The following NELL1 variants were observed in gnomAD, a reference collection of about 807,000 sequenced individuals.
NELL1 encodes protein kinase C-binding protein NELL1.
In NELL1, 76 loss-of-function variants were observed where a neutral mutation model predicts 107.4. The ratio of observed to expected loss-of-function variants is 0.71; its 90% CI spans 0.59 to 0.86. The LOEUF is 0.86. NELL1 is among the 40% of genes least tolerant of loss of function. The probability of loss-of-function intolerance (pLI) is 0.00; values close to 1 mark genes in which losing one functional copy is unlikely to be tolerated. For synonymous variants in NELL1, 353 were observed against 341.2 expected, an observed-to-expected ratio of 1.03 and a Z score of -0.38; for missense variants, 1,024 against 1,005.5, an observed-to-expected ratio of 1.02 and a Z score of -0.25.
chr11:20,704,936 C>G (rs986264482), intron 2 of NELL1, among the ~76,000 whole-genome samples: 3 of 152,018 alleles, frequency 2.0e-5, no homozygotes, highest in Non-Finnish European at 2.9e-5. Context: ...AATAAAATAC[C>G]TAGGAATCCA....
At chr11:20,788,585 G>GT (rs1331728761) in intron 3 of NELL1, among the ~76,000 whole-genome samples, 1 of 151,534 alleles carries the variant, frequency 6.6e-6, no homozygotes, top group Non-Finnish European at 1.5e-5. Flanking sequence ...AATCATGTAT[G>GT]TTTTAGAGGC....
chr11:20,719,947 G>A (rs1174632147), intron 2 of NELL1, among the ~76,000 whole-genome samples: 1 of 152,098 alleles, frequency 6.6e-6, no homozygotes, highest in African/African-American at 2.4e-5. Flanking sequence ...AGATTCACTG[G>A]TACTACCTTA....
intron 5 of NELL1, among the ~76,000 whole-genome samples, chr11:20,899,216 GA>G (rs1237737494): frequency 6.6e-6 from 1 of 151,766 alleles, no homozygotes; most frequent in Non-Finnish European, 1.5e-5. Flanking sequence ...GAATCTTTGT[GA>G]AAATTAACTA....
intron 13 of NELL1, among the ~76,000 whole-genome samples, chr11:21,188,496 C>A (rs930160627): frequency 2.0e-5 from 3 of 151,678 alleles, no homozygotes; most frequent in Non-Finnish European, 4.4e-5. Flanking sequence ...TTTTTTCTCT[C>A]ACTTTTCTTT....
chr11:20,998,487 G>A (rs958286424), intron 12 of NELL1, among the ~76,000 whole-genome samples: 4 of 152,022 alleles, frequency 2.6e-5, no homozygotes, highest in African/African-American at 9.7e-5. Flanking sequence ...CAGTGAGGAT[G>A]GTGACAATTT....
intron 14 of NELL1, among the ~76,000 whole-genome samples, chr11:21,320,600 G>T (rs929216714): frequency 5.3e-5 from 8 of 152,180 alleles, no homozygotes; most frequent in Non-Finnish European, 2.9e-5. Flanking sequence ...GTACTAAAGT[G>T]GTTGGCTGGA....
chr11:21,294,476 G>A (rs755753746), intron 14 of NELL1, among the ~76,000 whole-genome samples: 31 of 151,992 alleles, frequency 2.0e-4, no homozygotes, highest in Non-Finnish European at 2.6e-4. Context: ...CCTTACATAT[G>A]GTTGGTGCAA....
At chr11:21,193,722 A>G (rs1260745353) in intron 13 of NELL1, among the ~76,000 whole-genome samples, 1 of 151,890 alleles carries the variant, frequency 6.6e-6, no homozygotes, top group Non-Finnish European at 1.5e-5. Context: ...ATTTCATTTG[A>G]TGTTCTTGAT....
chr11:20,775,683 T>A (rs1393106112), intron 2 of NELL1, among the ~76,000 whole-genome samples: 2 of 152,182 alleles, frequency 1.3e-5, no homozygotes, highest in African/African-American at 4.8e-5. Context: ...ACATGTTTAA[T>A]TTCTTAGCAA....
At chr11:21,391,131 G>C (rs1033103879) in intron 15 of NELL1, among the ~76,000 whole-genome samples, 1 of 151,532 alleles carries the variant, frequency 6.6e-6, no homozygotes, top group African/African-American at 2.4e-5. Flanking sequence ...AGTTTGAACG[G>C]GTATAGAATT....
At chr11:21,332,856 G>C (rs1345597653) in intron 14 of NELL1, among the ~76,000 whole-genome samples, 3 of 151,704 alleles carry the variant, frequency 2.0e-5, no homozygotes, top group African/African-American at 7.3e-5. Flanking sequence ...TCTTTCATGG[G>C]TGTTTGAGGG....
chr11:20,779,946 C>A lies in NELL1; in HGVS notation c.185-3734C>A, dbSNP rs570163718. Among the ~76,000 whole-genome samples the A allele has an allele frequency of 2.0e-5, 3 of 152,348 alleles. No individual in the cohort carries two copies. The South Asian group carries it at 6.2e-4, about 32-fold the overall frequency. On this transcript the variant is annotated intron_variant, in intron 2 of 19. Transcript: ENST00000357134. ...CAAAGTGATCTCAGTCCTTTGAAAC[C>A]TGTCCAGTGTTTCTGCCTGCATATT...
At position 20,760,940 on chromosome 11, in the gene NELL1, C is replaced by T. The variant is rs528814636; in HGVS notation, c.185-22740C>T. Among the ~76,000 whole-genome samples, 65 of 152,244 alleles carry T rather than the reference C, an allele frequency of 4.3e-4. 1 individual carries two copies. The South Asian group carries it at 5.8e-3, about 14-fold the overall frequency. ...AAACTCGGCCCAACATCTCTAAATGCGCAGCTTCTCAGAGTGCCAAAAGCC... is the reference window on the plus strand; with the variant it reads ...AAACTCGGCCCAACATCTCTAAATGTGCAGCTTCTCAGAGTGCCAAAAGCC... On this transcript the variant is annotated intron_variant, in intron 2 of 19. Transcript: ENST00000357134.
intron 12 of NELL1, among the ~76,000 whole-genome samples, chr11:21,024,321 A>G (rs899567682): frequency 6.6e-6 from 1 of 152,116 alleles, no homozygotes; most frequent in African/African-American, 2.4e-5. Context: ...TTTATCATTA[A>G]TTTGACTACA....
intron 12 of NELL1, among the ~76,000 whole-genome samples, chr11:20,999,983 G>A (rs977603248): frequency 3.3e-4 from 51 of 152,276 alleles, no homozygotes; most frequent in African/African-American, 1.2e-3. Context: ...GGTTGTGTGT[G>A]TGTGTGTGTC....
intron 13 of NELL1, among the ~76,000 whole-genome samples, chr11:21,228,413 A>G (rs1857949072): frequency 6.6e-6 from 1 of 152,138 alleles, no homozygotes; most frequent in African/African-American, 2.4e-5. Flanking sequence ...CGCAGAGGTT[A>G]GATTCTGAAC....
At chr11:21,498,694 A>C (rs1855053202) in intron 15 of NELL1, among the ~76,000 whole-genome samples, 1 of 152,182 alleles carries the variant, frequency 6.6e-6, no homozygotes, top group Admixed American at 6.6e-5. Context: ...ATTTCATCAC[A>C]GGATAGGACT....
rs1405299278 is a variant in NELL1 at position 20,996,287 on chromosome 11, G to A, written c.1300+35727G>A. On this transcript the variant is annotated intron_variant, in intron 12 of 19. Coordinates refer to ENST00000357134, the MANE Select transcript of NELL1 (RefSeq NM_006157.5). Reference sequence around the variant, plus strand: ...TCCTCTTTCCCTTATGCTCAAGATAGTACTTGCATGTTCTGTCAGAGGACT... The same window carrying A: ...TCCTCTTTCCCTTATGCTCAAGATAATACTTGCATGTTCTGTCAGAGGACT... 2.0e-5 allele frequency among the ~76,000 whole-genome samples: 3 copies of A among 152,168 alleles called. No individual in the cohort carries two copies. The East Asian group carries it at 5.8e-4, about 29-fold the overall frequency.
intron 13 of NELL1, among the ~76,000 whole-genome samples, chr11:21,153,043 C>G (rs1288293874): frequency 2.0e-5 from 3 of 152,120 alleles, no homozygotes; most frequent in Non-Finnish European, 4.4e-5. Flanking sequence ...TAAGATGTTT[C>G]CTTCCTGTTT....
Sources: gnomAD v4.1 joint callset for allele counts (sites outside exome capture counted in the v4.1 genomes callset) on GRCh38, gnomAD v4.1.1 for gene constraint, MANE v1.5 for transcripts, NCBI Gene and HGNC (gene_info 2026-07-23, HGNC 2026-07-21) for gene names.